The following TMEM156 variants were observed in gnomAD, a reference collection of about 807,000 sequenced individuals.
TMEM156 encodes the protein transmembrane protein 156.
Under a neutral mutation model 30.5 loss-of-function variants are expected in TMEM156, and 28 were observed. The observed-to-expected ratio is 0.92, with a 90% CI of 0.68 to 1.26. TMEM156 has a LOEUF of 1.26. TMEM156 is among the 50% of genes most tolerant of loss of function. The probability of loss-of-function intolerance (pLI) is 0.00; values close to 1 mark genes in which losing one functional copy is unlikely to be tolerated. For missense variants in TMEM156, 351 were observed against 340.6 expected, an observed-to-expected ratio of 1.03 and a Z score of -0.24; for synonymous variants, 137 against 119.9, an observed-to-expected ratio of 1.14 and a Z score of -0.93.
chr4:38,993,750 T>A lies in TMEM156; in HGVS notation c.607A>T (p.Met203Leu), dbSNP rs1712711056. ...CTTAAAAACTTACTTTTTATATCCA[T>A]CTCTAGGTGCAAAGAAATGTGTATA... ...DCIHISLHLE[M>L]DIKNITCSMK... The change falls in exon 3 of 7, where the codon ATG becomes TTG. Residue 203 changes from methionine to leucine, a missense_variant. By Grantham distance (15) the Met-to-Leu change is conservative (BLOSUM62 2). Transcript: ENST00000381938. 1 of 1,612,498 alleles carries A rather than the reference T, an allele frequency of 6.2e-7. No homozygotes were observed. The highest frequency in any genetic ancestry group is 8.5e-7 in the Non-Finnish European group (1 of 1,178,648).
rs61732925 is a variant in TMEM156 at position 39,032,272 on chromosome 4, C to T, written c.42G>A (p.Val14=). 482 of 1,610,278 alleles carry T rather than the reference C, an allele frequency of 3.0e-4. 2 individuals are homozygous for T. In the African/African-American group the frequency reaches 6.0e-3, roughly 20 times the overall value. ...CCGGCAAAATTAAAATGAATGTGAT[C>T]ACTATTGCCACAAATAATTTAAGGA... ...TALLKLFVAI[V]ITFILILPEY... is the part of the protein sequence containing the mutation. The change falls in exon 1 of 7, where the codon GTG becomes GTA. Residue 14 remains valine, a synonymous_variant. Coordinates refer to ENST00000381938, the MANE Select transcript of TMEM156 (RefSeq NM_024943.3).
chr4:38,986,281 C>A, intron 5 of TMEM156, 55 bp downstream of exon 5: 1 of 1,240,754 alleles, frequency 8.1e-7, no homozygotes, highest in South Asian at 1.2e-5. Flanking sequence ...GTAGTGAAAC[C>A]ATGCAGCTTT....
In TMEM156 at chr4:38,966,860, G is replaced by C. The variant is rs1457828331; in HGVS notation, c.*820C>G. The C allele has an allele frequency of 1.4e-5, 2 of 137,980 alleles. No homozygotes were observed. Among genetic ancestry groups the C allele is most frequent in the Non-Finnish European group, 3.0e-5 (2 of 66,162 alleles). 8.5% of individuals were successfully genotyped at this position (137,980 alleles called of 1,614,324 possible). On this transcript the variant is annotated 3_prime_UTR_variant, in exon 7 of 7. Coordinates refer to ENST00000381938, the MANE Select transcript of TMEM156 (RefSeq NM_024943.3). ...GCTCTGCACCAGGCTGTAATGCAGT[G>C]GCGTGATCTTGGTTCACTGCAAACT...
At chr4:39,031,757 G>A (rs546499502) in intron 1 of TMEM156, among the ~76,000 whole-genome samples, 60 of 151,716 alleles carry the variant, frequency 4.0e-4, no homozygotes, top group African/African-American at 1.4e-3. Flanking sequence ...GGTGGTGGGC[G>A]CCTGTAATCC....
At chr4:38,975,311 T>C (rs1251239309) in intron 5 of TMEM156, among the ~76,000 whole-genome samples, 2 of 152,090 alleles carry the variant, frequency 1.3e-5, no homozygotes, top group Middle Eastern at 3.2e-3. Flanking sequence ...TCTATGGGGC[T>C]ATGTCTGTCA....
Position 39,032,366 on chromosome 4 carries a change from G to T in TMEM156, c.-53C>A. ...CCTTGCAGTACATTCATGGTATGTTGCTTCCTGCTTTAAGTTTATCTCTGC... is the reference window on the plus strand; with the variant it reads ...CCTTGCAGTACATTCATGGTATGTTTCTTCCTGCTTTAAGTTTATCTCTGC... On this transcript the variant is annotated 5_prime_UTR_variant, in exon 1 of 7. Transcript: ENST00000381938. 2 of 1,123,138 alleles carry T rather than the reference G, an allele frequency of 1.8e-6. No homozygotes were observed. The highest frequency in any genetic ancestry group is 1.5e-5 in the African/African-American group (1 of 64,670). The allele number at this position is 1,123,138 out of a possible 1,614,324, so 69.6% of individuals were successfully genotyped here.
intron 3 of TMEM156, among the ~76,000 whole-genome samples, chr4:38,992,704 TATATATATTATATA>T: frequency 2.1e-5 from 1 of 48,338 alleles, no homozygotes; most frequent in Non-Finnish European, 4.4e-5. Context: ...TTATATAATA[TATATATATTATATA>T]TATATAATAT....
At chr4:38,987,302 G>A (rs1198301409) in intron 4 of TMEM156, among the ~76,000 whole-genome samples, 1 of 152,130 alleles carries the variant, frequency 6.6e-6, no homozygotes, top group Non-Finnish European at 1.5e-5. Flanking sequence ...CTAAGTCTCA[G>A]GGGATTTTTA....
In TMEM156 at chr4:38,986,452, G is replaced by A. The variant is rs374863313; in HGVS notation, c.740-33C>T. On this transcript the variant is annotated intron_variant, in intron 4 of 6. Coordinates refer to ENST00000381938, the MANE Select transcript of TMEM156 (RefSeq NM_024943.3). Reference sequence around the variant, plus strand: ...CAGAAAAGAAATGAAGTATTTAGATGATAAACAAGCGCATTGTTAACATAT... The same window carrying A: ...CAGAAAAGAAATGAAGTATTTAGATAATAAACAAGCGCATTGTTAACATAT... 5.2e-5 allele frequency: 77 copies of A among 1,482,082 alleles called. 1 individual carries two copies. The highest frequency in any genetic ancestry group is 3.9e-4 in the Admixed American group (23 of 59,686). 91.8% of individuals were successfully genotyped at this position (1,482,082 alleles called of 1,614,324 possible).
intron 1 of TMEM156, among the ~76,000 whole-genome samples, chr4:39,011,203 G>C (rs1485882513): frequency 1.3e-5 from 2 of 152,172 alleles, no homozygotes; most frequent in African/African-American, 4.8e-5. Context: ...AAACCACAAT[G>C]TGATACCATT....
intron 4 of TMEM156, among the ~76,000 whole-genome samples, chr4:38,987,924 C>T (rs1487872350): frequency 6.6e-6 from 1 of 152,092 alleles, no homozygotes; most frequent in Non-Finnish European, 1.5e-5. Flanking sequence ...TATGAATTGT[C>T]CATTGGGCCT....
intron 5 of TMEM156, chr4:38,980,926 C>T: frequency 1.0e-6 from 1 of 985,284 alleles, no homozygotes; most frequent in Non-Finnish European, 1.2e-6. Context: ...CACGTAAAGG[C>T]ATTCAATGAA....
intron 5 of TMEM156, among the ~76,000 whole-genome samples, chr4:38,976,024 C>T (rs1045299163): frequency 2.6e-5 from 4 of 151,826 alleles, no homozygotes; most frequent in African/African-American, 7.3e-5. Context: ...CAGTGGCTCA[C>T]GACTGTAATC....
intron 1 of TMEM156, among the ~76,000 whole-genome samples, chr4:39,031,286 T>A (rs1715487232): frequency 6.6e-6 from 1 of 152,230 alleles, no homozygotes; most frequent in African/African-American, 2.4e-5. Flanking sequence ...TCAAAATAGT[T>A]TAAATTTATA....
chr4:38,970,259 G>C (rs1158415681), intron 6 of TMEM156, among the ~76,000 whole-genome samples: 1 of 151,876 alleles, frequency 6.6e-6, no homozygotes, highest in Non-Finnish European at 1.5e-5. Context: ...ACTCTTCCTA[G>C]TCTCAGGGTG....
intron 5 of TMEM156, among the ~76,000 whole-genome samples, chr4:38,982,981 A>G (rs1394103829): frequency 6.6e-6 from 1 of 152,284 alleles, no homozygotes; most frequent in East Asian, 1.9e-4. Context: ...GCTTCCTGGC[A>G]CCTGGAGTAC....
At chr4:38,996,486 C>T (rs184476633) in intron 2 of TMEM156, among the ~76,000 whole-genome samples, 74 of 151,814 alleles carry the variant, frequency 4.9e-4, no homozygotes, top group African/African-American at 1.7e-3. Context: ...GCAGGAGAAT[C>T]GCTTGAAACT....
Position 39,007,647 on chromosome 4 carries a change from T to C in TMEM156, c.89-8738A>G, listed in dbSNP as rs528462463. ...TTTTTTTGGTATTTTTTGGTAGAGA[T>C]GGGGTTTCACCATGTTGGCCAGGAT... On this transcript the variant is annotated intron_variant, in intron 1 of 6. Coordinates refer to ENST00000381938, the MANE Select transcript of TMEM156 (RefSeq NM_024943.3). 8.6e-5 allele frequency among the ~76,000 whole-genome samples: 13 copies of C among 152,020 alleles called. No homozygotes were observed. In the South Asian group the frequency reaches 1.7e-3, roughly 19 times the overall value.
intron 5 of TMEM156, among the ~76,000 whole-genome samples, chr4:38,976,430 G>A (rs777267015): frequency 1.9e-4 from 29 of 152,022 alleles, no homozygotes; most frequent in Non-Finnish European, 3.7e-4. Context: ...AAGGCCCTCC[G>A]TACACAGCCG....
Sources: gnomAD v4.1 joint callset for allele counts (sites outside exome capture counted in the v4.1 genomes callset) on GRCh38, gnomAD v4.1.1 for gene constraint, MANE v1.5 for transcripts, NCBI Gene and HGNC (gene_info 2026-07-23, HGNC 2026-07-21) for gene names.